PDZD2: variants seen among roughly 807,000 people sequenced by gnomAD.
PDZD2 encodes PDZ domain containing 2, also known as PDZ domain-containing protein 2.
PDZD2 carries 90 observed loss-of-function variants against 220.7 expected under a neutral mutation model. That is an observed-to-expected ratio of 0.41 (90% CI 0.34 to 0.49). The LOEUF (loss-of-function observed/expected upper bound fraction) is 0.49, where lower values mean the gene tolerates loss of function less well. PDZD2 is among the 20% of genes least tolerant of loss of function. The pLI is 0.28. For synonymous variants in PDZD2, 1,375 were observed against 1,450.5 expected, an observed-to-expected ratio of 0.95 and a Z score of 1.18; for missense variants, 3,174 against 3,608.5, an observed-to-expected ratio of 0.88 and a Z score of 3.08.
intron 1 of PDZD2, among the ~76,000 whole-genome samples, chr5:31,774,737 C>G (rs978579470): frequency 1.3e-5 from 2 of 151,614 alleles, no homozygotes; most frequent in African/African-American, 4.8e-5. Flanking sequence ...AAACAAAAAC[C>G]AAAAAACTGC....
At chr5:31,747,062 C>T (rs1043480199) in intron 1 of PDZD2, among the ~76,000 whole-genome samples, 2 of 152,176 alleles carry the variant, frequency 1.3e-5, no homozygotes, top group South Asian at 4.1e-4. Context: ...GTAATCCCAG[C>T]TACTCGGGAG....
rs772153030 is a variant in PDZD2 at position 32,090,087 on chromosome 5, C to T, written c.6639C>T (p.Tyr2213=). The change falls in exon 20 of 25, where the codon TAC becomes TAT. Residue 2213 remains tyrosine, a synonymous_variant. Coordinates refer to ENST00000438447, the MANE Select transcript of PDZD2 (RefSeq NM_178140.4). The surrounding 1 kb of genome is among the most constrained non-coding windows in gnomAD (Gnocchi z 4.3). ...PGGPSGEDHL[Y]FTPRPATRTY... ...GCCCCTCGGGGGAGGACCATCTCTACTTCACCCCAAGGCCAGCGACCAGGA... is the reference window on the plus strand; with the variant it reads ...GCCCCTCGGGGGAGGACCATCTCTATTTCACCCCAAGGCCAGCGACCAGGA... 2.1e-5 allele frequency: 34 copies of T among 1,613,732 alleles called. No homozygotes were observed. In the East Asian group the frequency reaches 6.9e-4, roughly 33 times the overall value.
chr5:31,784,566 G>T (rs1197375845), intron 1 of PDZD2, among the ~76,000 whole-genome samples: 2 of 152,162 alleles, frequency 1.3e-5, no homozygotes, highest in Admixed American at 1.3e-4. Context: ...TGAATAGAAG[G>T]GGGGTGGTCA....
Position 32,108,285 on chromosome 5 carries a change from T to TAACTG in PDZD2, c.*151_*155dup. ...TTGTGCTTACACATGAAGCCTGACT[T>TAACTG]AACTGTATGTGCAACAGCAATGAAA... is the stretch of plus-strand genomic sequence containing the variant. On this transcript the variant is annotated 3_prime_UTR_variant, in exon 25 of 25. Transcript: ENST00000438447. 3 of 528,708 alleles carry TAACTG rather than the reference T, an allele frequency of 5.7e-6. No individual in the cohort carries two copies. Among genetic ancestry groups the TAACTG allele is most frequent in the Non-Finnish European group, 9.8e-6 (3 of 304,758 alleles). 32.8% of individuals were successfully genotyped at this position (528,708 alleles called of 1,614,324 possible). A position where few individuals can be genotyped will look rare whatever the true frequency, so the allele number is the denominator to read the frequency against.
At chr5:31,781,521 G>C (rs6892455) in intron 1 of PDZD2, among the ~76,000 whole-genome samples, 29,090 of 152,150 alleles carry the variant, frequency 0.19, 3,297 homozygotes, top group East Asian at 0.56. Context: ...GCCATTGTGA[G>C]CATCTCTTAG....
At chr5:32,075,430 A>G (rs1331689699) in intron 18 of PDZD2, among the ~76,000 whole-genome samples, 1 of 152,218 alleles carries the variant, frequency 6.6e-6, no homozygotes, top group Non-Finnish European at 1.5e-5. Flanking sequence ...TGATAAGGTT[A>G]TGAGTGATCC....
Position 32,098,697 on chromosome 5 carries a change from TGAACA to T in PDZD2, c.8218+64_8218+68del. 1 of 1,464,848 alleles carries T rather than the reference TGAACA, an allele frequency of 6.8e-7. No individual in the cohort carries two copies. The highest frequency in any genetic ancestry group is 1.3e-5 in the South Asian group (1 of 76,762). 90.7% of individuals were successfully genotyped at this position (1,464,848 alleles called of 1,614,324 possible). On this transcript the variant is annotated intron_variant, in intron 23 of 24. Transcript: ENST00000438447. This position sits in a 1 kb window ranked among gnomAD's most constrained non-coding sequence, Gnocchi z 4.1. ...TACTGCAGAAAGAGGAGATTCTGGT[TGAACA>T]TGAAGGAAAATAACAGCTAACTAAC...
At chr5:31,770,214 CT>C (rs200715950) in intron 1 of PDZD2, among the ~76,000 whole-genome samples, 1,630 of 152,306 alleles carry the variant, frequency 0.011, 43 homozygotes, top group African/African-American at 0.036. Flanking sequence ...ACCACAGCTT[CT>C]TAAGCCAAAC....
chr5:32,051,406 ATC>A (rs913179794), intron 8 of PDZD2, among the ~76,000 whole-genome samples: 2 of 152,226 alleles, frequency 1.3e-5, no homozygotes, highest in African/African-American at 4.8e-5. Flanking sequence ...ATACAAAAAT[ATC>A]ACTGGGGACA....
At chr5:31,855,498 T>A (rs150865636) in intron 2 of PDZD2, among the ~76,000 whole-genome samples, 1 of 152,204 alleles carries the variant, frequency 6.6e-6, no homozygotes, top group Non-Finnish European at 1.5e-5. Context: ...TAATAGGGGG[T>A]TCCGGAGCCA....
rs767373973 is a variant in PDZD2 at position 31,681,475 on chromosome 5, T to G, written c.-361+42038T>G. Among the ~76,000 whole-genome samples, 37 of 152,172 alleles carry G rather than the reference T, an allele frequency of 2.4e-4. 1 individual carries two copies. Among genetic ancestry groups the G allele is most frequent in the Non-Finnish European group, 3.1e-4 (21 of 68,042 alleles). On this transcript the variant is annotated intron_variant, in intron 1 of 24. Transcript: ENST00000438447. ...GTTGGTCTGGCTGGTCTTGAACTCCTGACCTCAAGTAATCCACCAACCTCG... is the reference window on the plus strand; with the variant it reads ...GTTGGTCTGGCTGGTCTTGAACTCCGGACCTCAAGTAATCCACCAACCTCG...
intron 2 of PDZD2, among the ~76,000 whole-genome samples, chr5:31,960,504 C>T (rs1045667343): frequency 1.3e-5 from 2 of 152,298 alleles, no homozygotes; most frequent in South Asian, 2.1e-4. Flanking sequence ...CCACGGTGCC[C>T]GGCCAACCCA....
chr5:31,655,088 T>G (rs1745494548), intron 1 of PDZD2, among the ~76,000 whole-genome samples: 1 of 152,194 alleles, frequency 6.6e-6, no homozygotes, highest in Admixed American at 6.5e-5. Context: ...AGTGGAGTCT[T>G]CCGTGCTACC....
chr5:31,933,471 G>GT lies in PDZD2; in HGVS notation c.477-49683dup, dbSNP rs1745475689. 1.3e-5 allele frequency among the ~76,000 whole-genome samples: 2 copies of GT among 152,046 alleles called. 1 individual carries two copies. The highest frequency in any genetic ancestry group is 4.1e-4 in the South Asian group (2 of 4,820). On this transcript the variant is annotated intron_variant, in intron 2 of 24. Coordinates refer to ENST00000438447, the MANE Select transcript of PDZD2 (RefSeq NM_178140.4). ...CCTGGGGTGTCCCTTGGCTTTTGCT[G>GT]TATGATCGACTCCTGCTGGGGATTT...
chr5:31,647,247 G>A (rs1437433115), intron 1 of PDZD2, among the ~76,000 whole-genome samples: 2 of 152,112 alleles, frequency 1.3e-5, no homozygotes, highest in Non-Finnish European at 2.9e-5. Context: ...TTATTTGAAT[G>A]TTCACTATTT....
chr5:31,765,168 C>A (rs562276462), intron 1 of PDZD2, among the ~76,000 whole-genome samples: 2 of 152,304 alleles, frequency 1.3e-5, no homozygotes, highest in East Asian at 1.9e-4. Context: ...TCTCCTGGAG[C>A]CCCCTCTCTA....
rs1274552188 is a variant in PDZD2 at position 32,002,862 on chromosome 5, A to C, written c.1254+2591A>C. 1.6e-3 allele frequency among the ~76,000 whole-genome samples: 147 copies of C among 91,424 alleles called. 1 individual carries two copies. Among genetic ancestry groups the C allele is most frequent in the Admixed American group, 2.4e-3 (19 of 7,814 alleles). The allele number at this position is 91,424 out of a possible 152,430, so 60.0% of individuals were successfully genotyped here. On this transcript the variant is annotated intron_variant, in intron 5 of 24. Coordinates refer to ENST00000438447, the MANE Select transcript of PDZD2 (RefSeq NM_178140.4). ...ACACACCACACACCAACACACACAC[A>C]CCCCACATACCACACACACACCACA... is the stretch of plus-strand genomic sequence containing the variant.
intron 1 of PDZD2, among the ~76,000 whole-genome samples, chr5:31,763,342 C>T (rs926899888): frequency 3.3e-5 from 5 of 152,112 alleles, no homozygotes; most frequent in Admixed American, 2.6e-4. Context: ...CCCCAGCATG[C>T]GGCACACTGT....
chr5:31,656,808 G>A (rs1745564972), intron 1 of PDZD2, among the ~76,000 whole-genome samples: 1 of 152,068 alleles, frequency 6.6e-6, no homozygotes, highest in Non-Finnish European at 1.5e-5. Context: ...TGCCTTTTAG[G>A]GGCTCTAAGA....
Sources: gnomAD v4.1 joint callset for allele counts (sites outside exome capture counted in the v4.1 genomes callset) on GRCh38, gnomAD v4.1.1 for gene constraint, Gnocchi (gnomAD v3.1) non-coding constraint, MANE v1.5 for transcripts, NCBI Gene and HGNC (gene_info 2026-07-23, HGNC 2026-07-21) for gene names.